The following NAALADL2 variants were observed in gnomAD, a reference collection of about 807,000 sequenced individuals.
NAALADL2 encodes inactive N-acetylated-alpha-linked acidic dipeptidase-like protein 2.
In NAALADL2, 76 loss-of-function variants were observed where a neutral mutation model predicts 87.2. The ratio of observed to expected loss-of-function variants is 0.87; its 90% CI spans 0.72 to 1.05. The LOEUF is 1.05. NAALADL2 is among the 50% of genes least tolerant of loss of function. NAALADL2 has a pLI of 0.00. For synonymous variants in NAALADL2, 354 were observed against 331.0 expected (o/e 1.07, Z -0.75); for missense variants, 1,089 against 945.8 (o/e 1.15, Z -1.99).
chr3:175,731,341 G>T (rs1426947823), intron 11 of NAALADL2, among the ~76,000 whole-genome samples: 1 of 152,122 alleles, frequency 6.6e-6, no homozygotes, highest in Non-Finnish European at 1.5e-5. Flanking sequence ...CCTAGTAGGT[G>T]CTCCAGGAAA....
chr3:175,430,114 C>A (rs1014008262), intron 5 of NAALADL2, among the ~76,000 whole-genome samples: 1 of 151,732 alleles, frequency 6.6e-6, no homozygotes, highest in African/African-American at 2.4e-5. Context: ...CCCTGCCATC[C>A]TCCAAAGAGA....
intron 11 of NAALADL2, among the ~76,000 whole-genome samples, chr3:175,681,131 A>G (rs1420613346): frequency 6.6e-6 from 1 of 152,122 alleles, no homozygotes; most frequent in Non-Finnish European, 1.5e-5. Context: ...CAAAACAAAC[A>G]AAAAACAGCC....
chr3:175,478,286 A>C (rs1725996890), intron 9 of NAALADL2, among the ~76,000 whole-genome samples: 1 of 151,936 alleles, frequency 6.6e-6, no homozygotes, highest in African/African-American at 2.4e-5. Context: ...GAACTGATTT[A>C]AAACCCTTCT....
intron 10 of NAALADL2, among the ~76,000 whole-genome samples, chr3:175,622,918 CATA>C (rs1423839982): frequency 6.6e-6 from 1 of 151,956 alleles, no homozygotes; most frequent in Non-Finnish European, 1.5e-5. Context: ...AAAAATTACC[CATA>C]CCTGCAATAA....
chr3:175,094,211 T>C lies in NAALADL2; in HGVS notation c.44-2579T>C, dbSNP rs527255983. ...GAACTGCATGGAAAAAATGTCTGAGTAAATTAATCAGGAATGCATAAGCTG... is the reference window on the plus strand; with the variant it reads ...GAACTGCATGGAAAAAATGTCTGAGCAAATTAATCAGGAATGCATAAGCTG... On this transcript the variant is annotated intron_variant, in intron 1 of 13. Transcript: ENST00000454872. Among the ~76,000 whole-genome samples, 10 of 151,846 alleles carry C rather than the reference T, an allele frequency of 6.6e-5. No homozygotes were observed. In the South Asian group the frequency reaches 2.1e-3, roughly 32 times the overall value.
At chr3:175,713,161 A>G (rs10513738) in intron 11 of NAALADL2, among the ~76,000 whole-genome samples, 10,759 of 152,126 alleles carry the variant, frequency 0.071, 1,237 homozygotes, top group African/African-American at 0.25. Context: ...ATTTTCCTGC[A>G]AAGTGGTAAT....
chr3:175,291,029 A>G (rs1416382086), intron 4 of NAALADL2, among the ~76,000 whole-genome samples: 1 of 152,072 alleles, frequency 6.6e-6, no homozygotes, highest in Non-Finnish European at 1.5e-5. Context: ...TTCATTATAT[A>G]TGTATGTATG....
chr3:175,162,145 T>A (rs527793894), intron 2 of NAALADL2, among the ~76,000 whole-genome samples: 2 of 152,278 alleles, frequency 1.3e-5, no homozygotes, highest in East Asian at 3.9e-4. Context: ...AAATATAAAC[T>A]GAGTTTTGGG....
chr3:174,733,103 T>G (rs1484693506), intron 2 of NAALADL2, among the ~76,000 whole-genome samples: 1 of 152,182 alleles, frequency 6.6e-6, no homozygotes, highest in Admixed American at 6.5e-5. Context: ...GTATATATGA[T>G]CTGGTTGGAG....
intron 2 of NAALADL2, among the ~76,000 whole-genome samples, chr3:174,696,928 A>C (rs1209247987): frequency 6.6e-6 from 1 of 152,092 alleles, no homozygotes; most frequent in Non-Finnish European, 1.5e-5. Context: ...ACAAGTGTAA[A>C]ATTCAAGGCA....
chr3:174,981,288 A>G lies in NAALADL2; in HGVS notation c.44-115502A>G, dbSNP rs150857540. Among the ~76,000 whole-genome samples the G allele has an allele frequency of 3.7e-4, 57 of 152,348 alleles. No individual in the cohort carries two copies. The East Asian group carries it at 0.011, about 29-fold the overall frequency. On this transcript the variant is annotated intron_variant, in intron 1 of 13. Coordinates refer to ENST00000454872, the MANE Select transcript of NAALADL2 (RefSeq NM_207015.3). Reference sequence around the variant, plus strand: ...AGAACTCTAAGCTTAGTCACTGAGCATTATAAATACGGACATACTCATAAT... The same window carrying G: ...AGAACTCTAAGCTTAGTCACTGAGCGTTATAAATACGGACATACTCATAAT...
intron 2 of NAALADL2, among the ~76,000 whole-genome samples, chr3:175,204,487 C>T (rs1445754466): frequency 6.6e-6 from 1 of 152,062 alleles, no homozygotes; most frequent in Non-Finnish European, 1.5e-5. Context: ...CAACATAATA[C>T]TGAATGGGGA....
chr3:174,470,056 A>G (rs958507882), intron 1 of NAALADL2, among the ~76,000 whole-genome samples: 2 of 150,272 alleles, frequency 1.3e-5, no homozygotes, highest in Admixed American at 6.7e-5. Flanking sequence ...AAAATTCTAA[A>G]TTGTACTCAG....
At chr3:175,262,575 AGTGTGTGTGTGTGTGTGT>A (rs71164625) in intron 4 of NAALADL2, among the ~76,000 whole-genome samples, 3 of 147,010 alleles carry the variant, frequency 2.0e-5, no homozygotes, top group Admixed American at 1.4e-4. Flanking sequence ...ATGTTGTGTG[AGTGTGTGTGTGTGTGTGT>A]GTGTGTGTGT....
intron 5 of NAALADL2, among the ~76,000 whole-genome samples, chr3:175,423,049 A>AT (rs1251917314): frequency 3.6e-5 from 4 of 112,548 alleles, no homozygotes; most frequent in Non-Finnish European, 7.0e-5. Flanking sequence ...ATATATATAT[A>AT]TATTTTTTTT....
At chr3:175,760,458 T>C (rs531022069) in intron 13 of NAALADL2, among the ~76,000 whole-genome samples, 5 of 151,976 alleles carry the variant, frequency 3.3e-5, no homozygotes, top group Non-Finnish European at 7.4e-5. Flanking sequence ...GCAAAGTACC[T>C]TGGAAGTACT....
chr3:174,533,943 C>A (rs1721478723), intron 1 of NAALADL2, among the ~76,000 whole-genome samples: 1 of 152,078 alleles, frequency 6.6e-6, no homozygotes, highest in Non-Finnish European at 1.5e-5. Flanking sequence ...GGAAGTCATG[C>A]AATTGTTGTG....
intron 1 of NAALADL2, among the ~76,000 whole-genome samples, chr3:175,074,991 A>C (rs900621138): frequency 1.3e-5 from 2 of 152,150 alleles, no homozygotes; most frequent in Non-Finnish European, 2.9e-5. Context: ...GGTGTTAGAG[A>C]GATACGTAAG....
intron 1 of NAALADL2, among the ~76,000 whole-genome samples, chr3:174,527,654 A>G (rs1048063514): frequency 1.4e-4 from 21 of 152,174 alleles, no homozygotes; most frequent in African/African-American, 5.1e-4. Flanking sequence ...GGAGCTTAGG[A>G]AGAGATTTGT....
Sources: gnomAD v4.1 joint callset for allele counts (sites outside exome capture counted in the v4.1 genomes callset) on GRCh38, gnomAD v4.1.1 for gene constraint, MANE v1.5 for transcripts, NCBI Gene and HGNC (gene_info 2026-07-23, HGNC 2026-07-21) for gene names.